PIGK: variants seen among roughly 807,000 people sequenced by gnomAD.
The protein encoded by PIGK is GPI-anchor transamidase.
In PIGK, 42 loss-of-function variants were observed where a neutral mutation model predicts 50.6. The observed-to-expected ratio is 0.83, with a 90% confidence interval of 0.65 to 1.07. The LOEUF is 1.07. Among genes scored for constraint, PIGK ranks in the 50% least tolerant of loss-of-function variants. The pLI is 0.00. For missense variants in PIGK, 448 were observed against 488.7 expected, an observed-to-expected ratio of 0.92 and a Z score of 0.78; for synonymous variants, 151 against 156.0, an observed-to-expected ratio of 0.97 and a Z score of 0.24.
At chr1:77,171,696 G>A (rs1455661015) in intron 3 of PIGK, among the ~76,000 whole-genome samples, 4 of 151,908 alleles carry the variant, frequency 2.6e-5, no homozygotes, top group Non-Finnish European at 4.4e-5. Flanking sequence ...GGAATAATAC[G>A]GAAAAAGAGA....
chr1:77,182,626 G>A (rs1050577077), intron 3 of PIGK, among the ~76,000 whole-genome samples: 1 of 152,096 alleles, frequency 6.6e-6, no homozygotes, highest in African/African-American at 2.4e-5. Context: ...GACTAGTATA[G>A]ATTTTGGTAC....
At position 77,089,169 on chromosome 1, in the gene PIGK, T is replaced by G. The variant is rs1284412547; in HGVS notation, c.*3205A>C. The G allele has an allele frequency of 1.3e-5, 2 of 152,236 alleles. No individual in the cohort carries two copies. Among genetic ancestry groups the G allele is most frequent in the African/African-American group, 4.8e-5 (2 of 41,466 alleles). 9.4% of individuals were successfully genotyped at this position (152,236 alleles called of 1,614,324 possible). ...AAGCCTGGTTACCACCAAGGTGTAT[T>G]GTCCATGAATTGAAAGGCTTTCCTA... On this transcript the variant is annotated 3_prime_UTR_variant, in exon 11 of 11. Transcript: ENST00000370812.
chr1:77,169,150 G>C, intron 4 of PIGK, 110 bp downstream of exon 4: 4 of 650,488 alleles, frequency 6.1e-6, no homozygotes, highest in Non-Finnish European at 9.6e-6. Context: ...CAAGGCTTCA[G>C]TGACAATTAA....
At position 77,163,834 on chromosome 1, in the gene PIGK, T is replaced by C; in HGVS notation, c.584+12A>G. ...GAATATAGCTTATGAAAAGAAGTAA[T>C]TTGCTAATTACCGTCTTTTCTGCCA... On this transcript the variant is annotated intron_variant, in intron 6 of 10. Coordinates refer to ENST00000370812, the MANE Select transcript of PIGK (RefSeq NM_005482.3). 6.8e-7 allele frequency: 1 copy of C among 1,467,756 alleles called. No individual in the cohort carries two copies. The highest frequency in any genetic ancestry group is 9.5e-7 in the Non-Finnish European group (1 of 1,050,744). The allele number at this position is 1,467,756 out of a possible 1,614,324, so 90.9% of individuals were successfully genotyped here. A position where few individuals can be genotyped will look rare whatever the true frequency, so the allele number is the denominator to read the frequency against.
intron 10 of PIGK, among the ~76,000 whole-genome samples, chr1:77,120,882 A>G (rs982577234): frequency 6.6e-6 from 1 of 152,200 alleles, no homozygotes; most frequent in Non-Finnish European, 1.5e-5. Context: ...AAAAATCACA[A>G]TCTAAAATTT....
chr1:77,134,265 C>G (rs1378218483), intron 9 of PIGK, among the ~76,000 whole-genome samples: 1 of 152,204 alleles, frequency 6.6e-6, no homozygotes, highest in Non-Finnish European at 1.5e-5. Context: ...TCACCTCTTA[C>G]CTGGTACATT....
intron 1 of PIGK, among the ~76,000 whole-genome samples, chr1:77,215,773 C>G (rs1372707894): frequency 6.6e-6 from 1 of 152,064 alleles, no homozygotes; most frequent in Non-Finnish European, 1.5e-5. Context: ...AGAATAAAAT[C>G]CTTTCATAAA....
rs139276023 is a variant in PIGK, at chr1:77,193,415, T to C, written c.239+13225A>G. Reference sequence around the variant, plus strand: ...TGGAGTTTGTGCCTTATGTAGCAACTCCATAAATACAGTTTTCAGGGTGTC... The same window carrying C: ...TGGAGTTTGTGCCTTATGTAGCAACCCCATAAATACAGTTTTCAGGGTGTC... On this transcript the variant is annotated intron_variant, in intron 3 of 10. Coordinates refer to ENST00000370812, the MANE Select transcript of PIGK (RefSeq NM_005482.3). Among the ~76,000 whole-genome samples the C allele has an allele frequency of 5.0e-3, 755 of 152,206 alleles. 2 individuals are homozygous for C. Among genetic ancestry groups the C allele is most frequent in the Non-Finnish European group, 9.3e-3 (633 of 68,002 alleles).
At chr1:77,104,314 G>A (rs1653616659) in intron 10 of PIGK, among the ~76,000 whole-genome samples, 1 of 151,972 alleles carries the variant, frequency 6.6e-6, no homozygotes, top group Non-Finnish European at 1.5e-5. Context: ...TCTGAAAGCA[G>A]ATATTTTAAA....
intron 9 of PIGK, among the ~76,000 whole-genome samples, chr1:77,153,289 A>G (rs751462676): frequency 3.3e-5 from 5 of 152,170 alleles, no homozygotes; most frequent in Non-Finnish European, 7.4e-5. Flanking sequence ...TCTCATTCAC[A>G]TGTGGGAGCA....
intron 3 of PIGK, among the ~76,000 whole-genome samples, chr1:77,201,634 A>G (rs970368953): frequency 3.3e-5 from 5 of 152,080 alleles, no homozygotes; most frequent in African/African-American, 9.7e-5. Context: ...CCAGCTACTC[A>G]GGAGGCTGAG....
intron 9 of PIGK, among the ~76,000 whole-genome samples, chr1:77,144,322 C>G (rs1654719035): frequency 6.6e-6 from 1 of 151,702 alleles, no homozygotes; most frequent in Non-Finnish European, 1.5e-5. Flanking sequence ...CCTTAAGGGT[C>G]TCAGAATTTA....
At chr1:77,194,181 C>A (rs1243747204) in intron 3 of PIGK, among the ~76,000 whole-genome samples, 1 of 152,104 alleles carries the variant, frequency 6.6e-6, no homozygotes, top group Non-Finnish European at 1.5e-5. Context: ...CAAAAAATAA[C>A]ATATGCTGGC....
chr1:77,200,611 A>T (rs1557429745), intron 3 of PIGK, among the ~76,000 whole-genome samples: 1 of 152,146 alleles, frequency 6.6e-6, no homozygotes, highest in Non-Finnish European at 1.5e-5. Flanking sequence ...GATTGTCATA[A>T]AAATAAAATC....
intron 9 of PIGK, among the ~76,000 whole-genome samples, chr1:77,144,267 G>A (rs993946014): frequency 1.3e-5 from 2 of 151,878 alleles, no homozygotes; most frequent in Admixed American, 6.6e-5. Context: ...AAGATCAGAA[G>A]AGTCACATAA....
intron 3 of PIGK, among the ~76,000 whole-genome samples, chr1:77,173,960 G>A (rs1036425791): frequency 5.3e-5 from 8 of 152,188 alleles, no homozygotes; most frequent in Admixed American, 1.3e-4. Context: ...AGCTAGCTCC[G>A]AAAATTATCT....
At chr1:77,152,463 T>C (rs1283854541) in intron 9 of PIGK, among the ~76,000 whole-genome samples, 2 of 151,870 alleles carry the variant, frequency 1.3e-5, no homozygotes, top group Admixed American at 1.3e-4. Flanking sequence ...AGGTAAAACC[T>C]CAAAAATCAT....
chr1:77,109,866 T>C (rs1179952131), intron 10 of PIGK, among the ~76,000 whole-genome samples: 1 of 152,062 alleles, frequency 6.6e-6, no homozygotes, highest in Non-Finnish European at 1.5e-5. Flanking sequence ...AAAACCCCAT[T>C]GTCTCAGCCC....
At chr1:77,130,311 A>AAAG (rs1654343026) in intron 9 of PIGK, among the ~76,000 whole-genome samples, 2 of 144,434 alleles carry the variant, frequency 1.4e-5, no homozygotes, top group African/African-American at 5.3e-5. Flanking sequence ...AAAAAAAAAA[A>AAAG]AAAAAAAAAA....
Sources: allele counts gnomAD v4.1 joint callset (sites outside exome capture counted in the v4.1 genomes callset), GRCh38; gene constraint gnomAD v4.1.1; transcripts MANE v1.5; gene names NCBI Gene and HGNC (gene_info 2026-07-23, HGNC 2026-07-21).